The following NEK10 variants were observed in gnomAD, a reference collection of about 807,000 sequenced individuals.
NEK10 encodes NIMA related kinase 10.
Under a neutral mutation model 159.8 loss-of-function variants are expected in NEK10, and 122 were observed. That is an observed-to-expected ratio of 0.76 (90% CI 0.66 to 0.89). The LOEUF is 0.89. Among genes scored for constraint, NEK10 ranks in the 40% least tolerant of loss-of-function variants. The pLI, the probability that NEK10 is intolerant of heterozygous loss-of-function variation, is 0.00. For missense variants in NEK10, 1,342 were observed against 1,323.1 expected (o/e 1.01, Z -0.22); for synonymous variants, 466 against 457.1 (o/e 1.02, Z -0.25).
intron 25 of NEK10, among the ~76,000 whole-genome samples, chr3:27,198,844 T>C (rs12487557): frequency 0.24 from 35,678 of 151,678 alleles, 4,548 homozygotes; most frequent in Middle Eastern, 0.38. Context: ...GGCCGAGGCG[T>C]GTAGATCATG....
chr3:27,330,325 A>G (rs2046308868), intron 5 of NEK10, among the ~76,000 whole-genome samples: 1 of 152,212 alleles, frequency 6.6e-6, no homozygotes, highest in African/African-American at 2.4e-5. Flanking sequence ...TATTTGCTTC[A>G]TGTCTATGTT....
chr3:27,189,984 G>A (rs760219056), intron 26 of NEK10, among the ~76,000 whole-genome samples: 15 of 152,222 alleles, frequency 9.9e-5, no homozygotes, highest in Non-Finnish European at 1.9e-4. Context: ...ATTTAATGTA[G>A]AGACTACTTG....
chr3:27,323,921 A>G (rs930130824), intron 5 of NEK10, among the ~76,000 whole-genome samples: 5 of 152,202 alleles, frequency 3.3e-5, no homozygotes, highest in African/African-American at 9.6e-5. Flanking sequence ...AGCTACTCAA[A>G]TATATATGGA....
chr3:27,278,157 C>T (rs148150925), intron 22 of NEK10, among the ~76,000 whole-genome samples: 73 of 152,352 alleles, frequency 4.8e-4, no homozygotes, highest in African/African-American at 1.7e-3. Flanking sequence ...ATTTGTCCCA[C>T]AGGCTGTATT....
intron 14 of NEK10, 33 bp downstream of exon 14, chr3:27,297,146 T>C (rs1172563844): frequency 1.1e-5 from 16 of 1,483,336 alleles, no homozygotes; most frequent in Non-Finnish European, 1.5e-5. Context: ...TGAATGGTTA[T>C]GGAGACCTGA....
At chr3:27,118,228 T>C (rs1940766242) in intron 33 of NEK10, among the ~76,000 whole-genome samples, 1 of 152,230 alleles carries the variant, frequency 6.6e-6, no homozygotes, top group Admixed American at 6.5e-5. Flanking sequence ...AGCCTTGTAG[T>C]ATAGTTTGAA....
intron 31 of NEK10, among the ~76,000 whole-genome samples, chr3:27,138,151 G>A (rs1559501808): frequency 6.6e-6 from 1 of 152,096 alleles, no homozygotes; most frequent in Non-Finnish European, 1.5e-5. Flanking sequence ...CTAGAGGTTG[G>A]TGCTAACCCC....
chr3:27,129,926 G>T (rs1469133096), intron 32 of NEK10, among the ~76,000 whole-genome samples: 1 of 151,454 alleles, frequency 6.6e-6, no homozygotes, highest in Non-Finnish European at 1.5e-5. Flanking sequence ...TTTCAGTTTG[G>T]TGGTAAAGAA....
At chr3:27,322,473 A>G (rs1332148731) in intron 5 of NEK10, among the ~76,000 whole-genome samples, 1 of 152,118 alleles carries the variant, frequency 6.6e-6, no homozygotes, top group African/African-American at 2.4e-5. Context: ...GCCCCCCCCA[A>G]ACTTATTTGG....
intron 10 of NEK10, among the ~76,000 whole-genome samples, chr3:27,308,708 C>T (rs1028834131): frequency 3.3e-5 from 5 of 152,110 alleles, no homozygotes. Context: ...TATTTCCAGT[C>T]AGGAAATAAA....
chr3:27,311,048 T>G (rs745310083), intron 8 of NEK10, 32 bp from the exon 9 acceptor site: 2 of 1,420,718 alleles, frequency 1.4e-6, no homozygotes, highest in African/African-American at 2.8e-5. Context: ...CAAAGAGGCA[T>G]CCAGAGATTA....
chr3:27,341,124 CTCATACA>C (rs1244997239), intron 5 of NEK10, among the ~76,000 whole-genome samples: 1 of 152,044 alleles, frequency 6.6e-6, no homozygotes, highest in Non-Finnish European at 1.5e-5. Flanking sequence ...TGTGGTCTCA[CTCATACA>C]TGGGAGCTTA....
chr3:27,367,795 T>G (rs964735653), intron 1 of NEK10, among the ~76,000 whole-genome samples: 1 of 150,646 alleles, frequency 6.6e-6, no homozygotes, highest in African/African-American at 2.4e-5. Flanking sequence ...AGAGCAGGAG[T>G]GTGGGGGTGC....
At chr3:27,275,435 C>T (rs1424483317) in intron 22 of NEK10, among the ~76,000 whole-genome samples, 1 of 152,170 alleles carries the variant, frequency 6.6e-6, no homozygotes, top group Non-Finnish European at 1.5e-5. Context: ...AATCTGTTGA[C>T]TGAGAAAAAT....
intron 32 of NEK10, among the ~76,000 whole-genome samples, chr3:27,121,870 C>T (rs1354235675): frequency 2.0e-5 from 3 of 151,736 alleles, no homozygotes; most frequent in Non-Finnish European, 2.9e-5. Flanking sequence ...GGGTGGTGGT[C>T]GTATGGGTGA....
At chr3:27,278,996 G>GTT in intron 22 of NEK10, 3 of 805,858 alleles carry the variant, frequency 3.7e-6, no homozygotes, top group Non-Finnish European at 4.5e-6. Context: ...CATGGCACAT[G>GTT]CCATCAAAAG....
rs1949049512 is a variant in NEK10 at position 27,190,870 on chromosome 3, C to T, written c.2505+1159G>A. Among the ~76,000 whole-genome samples, 3 of 152,198 alleles carry T rather than the reference C, an allele frequency of 2.0e-5. No individual in the cohort carries two copies. In the South Asian group the frequency reaches 6.2e-4, roughly 32 times the overall value. On this transcript the variant is annotated intron_variant, in intron 26 of 35. Transcript: ENST00000691995. Reference sequence around the variant, plus strand: ...AAAAGCAAAGTGAGCTCTAACTCCCCTTCTGAGATTTAACTGTGTTCAGTA... The same window carrying T: ...AAAAGCAAAGTGAGCTCTAACTCCCTTTCTGAGATTTAACTGTGTTCAGTA...
At chr3:27,316,458 C>T (rs768104214) in intron 6 of NEK10, among the ~76,000 whole-genome samples, 1 of 151,990 alleles carries the variant, frequency 6.6e-6, no homozygotes, top group African/African-American at 2.4e-5. Flanking sequence ...GAGCAGAGGA[C>T]TCTATTTTGG....
At chr3:27,312,033 G>T in intron 8 of NEK10, 66 bp downstream of exon 8, 1 of 1,007,472 alleles carries the variant, frequency 9.9e-7, no homozygotes, top group Non-Finnish European at 1.6e-6. Context: ...GTTTCCTGCT[G>T]CAAACACCAT....
Sources: gnomAD v4.1 joint callset for allele counts (sites outside exome capture counted in the v4.1 genomes callset) on GRCh38, gnomAD v4.1.1 for gene constraint, MANE v1.5 for transcripts, NCBI Gene and HGNC (gene_info 2026-07-23, HGNC 2026-07-21) for gene names.